The following CNTNAP2 variants were observed in gnomAD, a reference collection of about 807,000 sequenced individuals.
CNTNAP2 encodes contactin-associated protein-like 2.
In CNTNAP2, 98 loss-of-function variants were observed where a neutral mutation model predicts 155.2. That is an observed-to-expected ratio of 0.63 (90% CI 0.54 to 0.75). CNTNAP2 has a LOEUF of 0.75. Among genes scored for constraint, CNTNAP2 ranks in the 30% least tolerant of loss-of-function variants. CNTNAP2 has a pLI of 0.00. For synonymous variants in CNTNAP2, 651 were observed against 631.2 expected, an observed-to-expected ratio of 1.03 and a Z score of -0.47; for missense variants, 1,727 against 1,688.1, an observed-to-expected ratio of 1.02 and a Z score of -0.40.
chr7:147,902,957 G>C (rs977022680), intron 13 of CNTNAP2, among the ~76,000 whole-genome samples: 1 of 152,060 alleles, frequency 6.6e-6, no homozygotes, highest in South Asian at 2.1e-4. Flanking sequence ...TATCTTTTTC[G>C]TATAATGACT....
At chr7:147,378,270 GT>G (rs998271355) in intron 9 of CNTNAP2, 124 of 231,316 alleles carry the variant, frequency 5.4e-4, no homozygotes, top group African/African-American at 2.6e-3. Context: ...CTAATGAGAG[GT>G]TTTTTTCTTT....
At chr7:146,775,758 AATAG>A (rs891807717) in intron 2 of CNTNAP2, among the ~76,000 whole-genome samples, 1 of 152,058 alleles carries the variant, frequency 6.6e-6, no homozygotes, top group Non-Finnish European at 1.5e-5. Flanking sequence ...AAGAGAAGAA[AATAG>A]ATAGGAAAAA....
In CNTNAP2 at chr7:148,275,575, G is replaced by T. The variant is rs114837675; in HGVS notation, c.3475+8449G>T. On this transcript the variant is annotated intron_variant, in intron 21 of 23. Coordinates refer to ENST00000361727, the MANE Select transcript of CNTNAP2 (RefSeq NM_014141.6). ...GTTCTGCTTCATGACTCCAGGCAGGGTGTAAGAATGACTGGATAGCCCGAA... is the reference window on the plus strand; with the variant it reads ...GTTCTGCTTCATGACTCCAGGCAGGTTGTAAGAATGACTGGATAGCCCGAA... Among the ~76,000 whole-genome samples the T allele has an allele frequency of 5.0e-3, 759 of 152,350 alleles. 4 individuals are homozygous for T. The highest frequency in any genetic ancestry group is 0.016 in the African/African-American group (676 of 41,586).
intron 3 of CNTNAP2, among the ~76,000 whole-genome samples, chr7:146,970,174 C>T (rs1251577536): frequency 6.6e-6 from 1 of 152,068 alleles, no homozygotes; most frequent in Admixed American, 6.5e-5. Flanking sequence ...TCCAAAACAC[C>T]AAAAGCAATG....
At chr7:148,128,130 A>C (rs1212408755) in intron 16 of CNTNAP2, among the ~76,000 whole-genome samples, 1 of 152,096 alleles carries the variant, frequency 6.6e-6, no homozygotes, top group African/African-American at 2.4e-5. Flanking sequence ...CAGCCTCCCA[A>C]AATGCTGGGA....
intron 21 of CNTNAP2, among the ~76,000 whole-genome samples, chr7:148,375,195 A>G (rs1391271215): frequency 6.6e-6 from 1 of 151,574 alleles, no homozygotes; most frequent in Non-Finnish European, 1.5e-5. Context: ...TGTTTTTGGT[A>G]CTGTGTAATT....
intron 1 of CNTNAP2, among the ~76,000 whole-genome samples, chr7:146,158,635 G>C (rs543332355): frequency 2.0e-5 from 3 of 152,128 alleles, no homozygotes; most frequent in Admixed American, 2.0e-4. Context: ...GTGGAAGAAA[G>C]GGTACCAGTG....
At chr7:147,415,904 G>A (rs1290860682) in intron 10 of CNTNAP2, among the ~76,000 whole-genome samples, 1 of 152,114 alleles carries the variant, frequency 6.6e-6, no homozygotes, top group Non-Finnish European at 1.5e-5. Context: ...GCCCTCCTGT[G>A]GCTTATACTA....
intron 19 of CNTNAP2, among the ~76,000 whole-genome samples, chr7:148,226,900 C>T (rs1795862451): frequency 6.6e-6 from 1 of 152,234 alleles, no homozygotes; most frequent in Non-Finnish European, 1.5e-5. Flanking sequence ...TAAACTTTCA[C>T]TCCTGCTCTA....
At chr7:147,602,102 C>T (rs964158665) in intron 12 of CNTNAP2, among the ~76,000 whole-genome samples, 3 of 151,876 alleles carry the variant, frequency 2.0e-5, no homozygotes, top group Non-Finnish European at 2.9e-5. Context: ...GTGGTGTTAG[C>T]AGCCATGGAT....
chr7:147,732,333 C>T (rs535937469), intron 13 of CNTNAP2, among the ~76,000 whole-genome samples: 69 of 152,210 alleles, frequency 4.5e-4, no homozygotes, highest in African/African-American at 1.6e-3. Context: ...TGATGGTTTG[C>T]AGCTTCATCC....
At chr7:146,716,379 A>T (rs887213565) in intron 1 of CNTNAP2, among the ~76,000 whole-genome samples, 4 of 152,094 alleles carry the variant, frequency 2.6e-5, no homozygotes, top group Non-Finnish European at 4.4e-5. Flanking sequence ...GTTTAAAAAA[A>T]CTCAAAACAA....
chr7:147,583,036 T>C (rs1293221483), intron 12 of CNTNAP2, among the ~76,000 whole-genome samples: 2 of 152,138 alleles, frequency 1.3e-5, no homozygotes, highest in African/African-American at 4.8e-5. Context: ...AAGGTGATAT[T>C]GATTACATTC....
intron 1 of CNTNAP2, among the ~76,000 whole-genome samples, chr7:146,619,761 C>G (rs1799287323): frequency 1.3e-5 from 2 of 152,198 alleles, no homozygotes; most frequent in South Asian, 4.1e-4. Context: ...CTAAAACTGA[C>G]TGTTTTGCTA....
chr7:147,002,988 A>G (rs1472151263), intron 3 of CNTNAP2, among the ~76,000 whole-genome samples: 1 of 151,728 alleles, frequency 6.6e-6, no homozygotes, highest in East Asian at 1.9e-4. Context: ...CAAACTGGAA[A>G]AGAAGACAAG....
At chr7:146,732,796 C>T (rs1340371629) in intron 1 of CNTNAP2, among the ~76,000 whole-genome samples, 1 of 152,092 alleles carries the variant, frequency 6.6e-6, no homozygotes, top group Non-Finnish European at 1.5e-5. Context: ...TTCCTGTATA[C>T]TTTAAATCAT....
At chr7:146,318,161 A>G (rs1253196048) in intron 1 of CNTNAP2, among the ~76,000 whole-genome samples, 1 of 152,088 alleles carries the variant, frequency 6.6e-6, no homozygotes, top group Admixed American at 6.6e-5. Flanking sequence ...AAAAGATGAA[A>G]TTAACATTTT....
At chr7:147,365,343 C>A (rs1312725633) in intron 9 of CNTNAP2, among the ~76,000 whole-genome samples, 1 of 142,050 alleles carries the variant, frequency 7.0e-6, no homozygotes, top group Non-Finnish European at 1.5e-5. Context: ...CCATTGCACT[C>A]CAGCCTGGGC....
chr7:146,449,018 GTCTTTCT>G (rs1407203357), intron 1 of CNTNAP2, among the ~76,000 whole-genome samples: 1 of 151,974 alleles, frequency 6.6e-6, no homozygotes, highest in Admixed American at 6.6e-5. Flanking sequence ...CTTATTTTCA[GTCTTTCT>G]TTTCTGTGTT....
Sources: allele counts gnomAD v4.1 joint callset (sites outside exome capture counted in the v4.1 genomes callset), GRCh38; gene constraint gnomAD v4.1.1; transcripts MANE v1.5; gene names NCBI Gene and HGNC (gene_info 2026-07-23, HGNC 2026-07-21).